Variants in HECTD2 observed in about 807,000 individuals in gnomAD.
HECTD2 encodes probable E3 ubiquitin-protein ligase HECTD2.
In HECTD2, 35 loss-of-function variants were observed where a neutral mutation model predicts 103.2. That is an observed-to-expected ratio of 0.34 (90% CI 0.26 to 0.45). The LOEUF (loss-of-function observed/expected upper bound fraction) is 0.45, where lower values mean the gene tolerates loss of function less well. HECTD2 is among the 20% of genes least tolerant of loss of function. The probability of loss-of-function intolerance (pLI) is 1.00; values close to 1 mark genes in which losing one functional copy is unlikely to be tolerated. For missense variants in HECTD2, 596 were observed against 937.4 expected (o/e 0.64, Z 4.76); for synonymous variants, 281 against 329.9 (o/e 0.85, Z 1.61).
chr10:91,429,604 T>G (rs1315756665), intron 2 of HECTD2, among the ~76,000 whole-genome samples: 1 of 152,216 alleles, frequency 6.6e-6, no homozygotes, highest in Admixed American at 6.5e-5. Context: ...GGTTTAGTCT[T>G]GGCAGAGTGT....
chr10:91,490,614 G>A lies in HECTD2; in HGVS notation c.1192-586G>A, dbSNP rs1019356244. ...GCTATTTAAGAGATGAGACATGGCC[G>A]GGCGCGGTGGCTCACGCCTGTAATC... On this transcript the variant is annotated intron_variant, in intron 11 of 20. Transcript: ENST00000298068. Among the ~76,000 whole-genome samples, 13 of 151,914 alleles carry A rather than the reference G, an allele frequency of 8.6e-5. No homozygotes were observed. The East Asian group carries it at 9.6e-4, about 11-fold the overall frequency.
At chr10:91,484,912 C>A (rs1305656602) in intron 9 of HECTD2, among the ~76,000 whole-genome samples, 1 of 151,844 alleles carries the variant, frequency 6.6e-6, no homozygotes, top group Non-Finnish European at 1.5e-5. Flanking sequence ...TAAGAGAGAA[C>A]ACACAGAAAT....
At chr10:91,441,900 T>C (rs946000162) in intron 2 of HECTD2, among the ~76,000 whole-genome samples, 11 of 131,386 alleles carry the variant, frequency 8.4e-5, no homozygotes, top group African/African-American at 3.8e-4. Flanking sequence ...TTTTTTTTTT[T>C]TTTTTTTCTT....
intron 1 of HECTD2, among the ~76,000 whole-genome samples, chr10:91,424,616 TTAAA>T (rs1233525105): frequency 3.9e-5 from 6 of 152,128 alleles, no homozygotes; most frequent in Non-Finnish European, 8.8e-5. Context: ...TACTGATTAA[TTAAA>T]TAAGTACTAT....
chr10:91,455,321 A>G (rs754735604), intron 2 of HECTD2, among the ~76,000 whole-genome samples: 21 of 152,094 alleles, frequency 1.4e-4, no homozygotes, highest in Non-Finnish European at 2.4e-4. Flanking sequence ...CTGATGGCCA[A>G]TGATGATGAG....
chr10:91,429,381 T>A lies in HECTD2; in HGVS notation c.268+3971T>A, dbSNP rs528868607. ...CTGCCCGGCTTTGGTATCAGGATGA[T>A]GCTGGCCTCATAAAATGAGTTAGGG... On this transcript the variant is annotated intron_variant, in intron 2 of 20. Transcript: ENST00000298068. Among the ~76,000 whole-genome samples the A allele has an allele frequency of 2.6e-5, 4 of 152,274 alleles. No homozygotes were observed. In the South Asian group the frequency reaches 8.3e-4, roughly 32 times the overall value.
intron 5 of HECTD2, among the ~76,000 whole-genome samples, chr10:91,475,110 T>C (rs1049777420): frequency 6.6e-6 from 1 of 152,176 alleles, no homozygotes; most frequent in African/African-American, 2.4e-5. Flanking sequence ...TAATGGAAAG[T>C]CATTGAGTGT....
chr10:91,425,357 C>A lies in HECTD2; in HGVS notation c.215C>A (p.Ala72Asp). The change falls in exon 2 of 21, where the codon GCT (alanine) becomes GAT (aspartate). Residue 72 changes from alanine to aspartate, a missense_variant. Physicochemically the swap from Ala to Asp is moderately radical, Grantham distance 126. Around this residue, in one of 4 missense-constraint regions of HECTD2, gnomAD observed 220 missense variants for 233.9 expected, o/e 0.94. Coordinates refer to ENST00000298068, the MANE Select transcript of HECTD2 (RefSeq NM_182765.6). ...TCAGCTGTTAGCCCGAAGAAAGAAG[C>A]TGCTGAAAACAGAAGTTCACCTGCA... ...FISAVSPKKE[A>D]AENRSSPAHL... 1 of 1,567,970 alleles carries A rather than the reference C, an allele frequency of 6.4e-7. No homozygotes were observed. The highest frequency in any genetic ancestry group is 1.2e-5 in the South Asian group (1 of 83,114).
chr10:91,444,057 C>G lies in HECTD2; in HGVS notation c.269-16370C>G, dbSNP rs74149215. ...TAAATAAATGATAGTCATCTCCTCT[C>G]TTCAACACCAGTCTTATTACTATTA... On this transcript the variant is annotated intron_variant, in intron 2 of 20. Coordinates refer to ENST00000298068, the MANE Select transcript of HECTD2 (RefSeq NM_182765.6). 6.0e-3 allele frequency among the ~76,000 whole-genome samples: 909 copies of G among 152,254 alleles called. 4 individuals are homozygous for G. The highest frequency in any genetic ancestry group is 0.021 in the African/African-American group (874 of 41,556).
At chr10:91,428,276 G>A (rs1331892895) in intron 2 of HECTD2, among the ~76,000 whole-genome samples, 2 of 151,612 alleles carry the variant, frequency 1.3e-5, no homozygotes, top group Non-Finnish European at 2.9e-5. Flanking sequence ...TTTGGTTACT[G>A]TAGCCTTGTA....
At chr10:91,470,218 A>G (rs2133235625) in intron 5 of HECTD2, among the ~76,000 whole-genome samples, 1 of 152,346 alleles carries the variant, frequency 6.6e-6, no homozygotes, top group African/African-American at 2.4e-5. Flanking sequence ...AAATGGACCT[A>G]ACAGATATCT....
chr10:91,505,331 T>C (rs1847109451), intron 20 of HECTD2, among the ~76,000 whole-genome samples: 2 of 151,840 alleles, frequency 1.3e-5, no homozygotes, highest in East Asian at 1.9e-4. Context: ...GACTGGCAAA[T>C]TGGATAAAGA....
intron 6 of HECTD2, among the ~76,000 whole-genome samples, chr10:91,480,321 T>A (rs1237608307): frequency 6.6e-6 from 1 of 152,106 alleles, no homozygotes; most frequent in Admixed American, 6.6e-5. Context: ...ATAGGTGATA[T>A]ATACAAATAG....
intron 2 of HECTD2, among the ~76,000 whole-genome samples, chr10:91,439,696 G>A (rs1844310317): frequency 6.6e-6 from 1 of 152,116 alleles, no homozygotes. Context: ...TCACAATATT[G>A]ATTCTTCCTA....
intron 20 of HECTD2, among the ~76,000 whole-genome samples, chr10:91,507,046 C>T (rs889875989): frequency 5.3e-5 from 8 of 152,150 alleles, no homozygotes; most frequent in African/African-American, 1.9e-4. Flanking sequence ...TCAACAGATG[C>T]AGAAAAGGCC....
At chr10:91,477,507 C>T (rs1166741767) in intron 5 of HECTD2, among the ~76,000 whole-genome samples, 2 of 151,886 alleles carry the variant, frequency 1.3e-5, no homozygotes, top group African/African-American at 4.8e-5. Flanking sequence ...TCTGGGTGTG[C>T]GGGGTTACTG....
intron 20 of HECTD2, among the ~76,000 whole-genome samples, chr10:91,505,643 AAG>A (rs1274591009): frequency 1.3e-5 from 2 of 149,764 alleles, no homozygotes; most frequent in East Asian, 2.0e-4. Flanking sequence ...GTGACCTACA[AAG>A]AGACTTAGAC....
In HECTD2 at chr10:91,512,777, G is replaced by GCAAA. The variant is rs1396680140; in HGVS notation, c.*396_*399dup. 5.9e-6 allele frequency: 1 copy of GCAAA among 168,142 alleles called. No individual in the cohort carries two copies. Among genetic ancestry groups the GCAAA allele is most frequent in the African/African-American group, 2.4e-5 (1 of 41,886 alleles). The allele number at this position is 168,142 out of a possible 1,614,324, so 10.4% of individuals were successfully genotyped here. A position where few individuals can be genotyped will look rare whatever the true frequency, so the allele number is the denominator to read the frequency against. ...AGCACTGCTAGCACACAGTAGCAAA[G>GCAAA]CAAACAGCTACATTATCTTTAACAT... On this transcript the variant is annotated 3_prime_UTR_variant, in exon 21 of 21. Transcript: ENST00000298068.
At chr10:91,455,524 C>T (rs1042286667) in intron 2 of HECTD2, among the ~76,000 whole-genome samples, 3 of 152,040 alleles carry the variant, frequency 2.0e-5, no homozygotes, top group Non-Finnish European at 4.4e-5. Flanking sequence ...CTGTAGGTTG[C>T]CTGTTCACTC....
Sources: gnomAD v4.1 joint callset for allele counts (sites outside exome capture counted in the v4.1 genomes callset) on GRCh38, gnomAD v4.1.1 for gene constraint, gnomAD v4.1.1 regional missense constraint, MANE v1.5 for transcripts, NCBI Gene and HGNC (gene_info 2026-07-23, HGNC 2026-07-21) for gene names.